IL34: variants seen among roughly 807,000 people sequenced by gnomAD.
IL34 encodes the protein interleukin-34.
Under a neutral mutation model 25.3 loss-of-function variants are expected in IL34, and 17 were observed. That is an observed-to-expected ratio of 0.67 (90% CI 0.46 to 1.01). The LOEUF (loss-of-function observed/expected upper bound fraction) is 1.01, where lower values mean the gene tolerates loss of function less well. Ranked by LOEUF, IL34 falls within the 50% of genes least tolerant of loss-of-function variation. The probability of loss-of-function intolerance (pLI) is 0.00; values close to 1 mark genes in which losing one functional copy is unlikely to be tolerated. For missense variants in IL34, 368 were observed against 312.9 expected, an observed-to-expected ratio of 1.18 and a Z score of -1.33; for synonymous variants, 174 against 140.9, an observed-to-expected ratio of 1.23 and a Z score of -1.66.
At chr16:70,621,811 G>T (rs1025765351) in intron 1 of IL34, among the ~76,000 whole-genome samples, 3 of 152,128 alleles carry the variant, frequency 2.0e-5, no homozygotes, top group Admixed American at 2.0e-4. Flanking sequence ...CAGGAGTGGG[G>T]GTCGCAAGGT....
chr16:70,660,086 A>T lies in IL34; in HGVS notation c.628A>T (p.Thr210Ser). Residue 210 changes from threonine to serine, a missense_variant, in exon 6 of 6, where the codon ACC (threonine) becomes TCC (serine). Thr to Ser is a moderately conservative substitution (Grantham distance 58, BLOSUM62 1). Transcript: ENST00000288098. ...AGAGCCCTCATTGCAGTATGCGGCC[A>T]CCCAGCTGTACCCTCCGCCCCCGTG... ...SPEPSLQYAA[T>S]QLYPPPPWSP... The T allele has an allele frequency of 6.2e-7, 1 of 1,612,774 alleles. No individual in the cohort carries two copies. Among genetic ancestry groups the T allele is most frequent in the Non-Finnish European group, 8.5e-7 (1 of 1,179,714 alleles).
intron 1 of IL34, among the ~76,000 whole-genome samples, chr16:70,593,566 G>A (rs1315590968): frequency 1.3e-5 from 2 of 152,160 alleles, no homozygotes; most frequent in Non-Finnish European, 1.5e-5. Flanking sequence ...TGTCAAGGCT[G>A]GAGTGCAGTG....
intron 1 of IL34, among the ~76,000 whole-genome samples, chr16:70,583,086 ATT>A (rs1026830936): frequency 2.6e-5 from 4 of 152,062 alleles, no homozygotes; most frequent in African/African-American, 9.7e-5. Context: ...TTTGGATTTG[ATT>A]TCAATGACAA....
chr16:70,622,998 A>T (rs2051313654), intron 1 of IL34, among the ~76,000 whole-genome samples: 1 of 152,054 alleles, frequency 6.6e-6, no homozygotes, highest in Non-Finnish European at 1.5e-5. Context: ...CATACCTAGG[A>T]AGAAAAGGAG....
At chr16:70,629,695 ATTT>A (rs573603186) in intron 1 of IL34, among the ~76,000 whole-genome samples, 3,358 of 151,138 alleles carry the variant, frequency 0.022, 62 homozygotes, top group Non-Finnish European at 0.036. Flanking sequence ...ACCTCACTAC[ATTT>A]TTTTCTTTTT....
At chr16:70,645,658 C>T (rs2051908928), upstream of IL34, among the ~76,000 whole-genome samples, 1 of 152,182 alleles carries the variant, frequency 6.6e-6, no homozygotes, top group African/African-American at 2.4e-5. Context: ...GCCGTATGAC[C>T]TTGGACAAGT....
chr16:70,627,985 C>G (rs1037801075), intron 1 of IL34, among the ~76,000 whole-genome samples: 4 of 152,150 alleles, frequency 2.6e-5, no homozygotes, highest in African/African-American at 9.7e-5. Context: ...GTGGGATATG[C>G]ACACGTTCAA....
At chr16:70,659,908 T>C (rs953947368) in intron 5 of IL34, 89 bp from the exon 6 acceptor site, 2 of 1,477,642 alleles carry the variant, frequency 1.4e-6, no homozygotes, top group Admixed American at 4.3e-5. Flanking sequence ...CTGGGTAGAG[T>C]GGGGGACAAG....
intron 1 of IL34, among the ~76,000 whole-genome samples, chr16:70,637,497 C>A (rs979431140): frequency 3.3e-5 from 5 of 150,866 alleles, no homozygotes; most frequent in Non-Finnish European, 7.4e-5. Flanking sequence ...AGGCATACAC[C>A]ATCAGGCCCG....
chr16:70,622,257 T>C (rs1311474655), intron 1 of IL34, among the ~76,000 whole-genome samples: 1 of 152,106 alleles, frequency 6.6e-6, no homozygotes, highest in Non-Finnish European at 1.5e-5. Flanking sequence ...AGTGTCTATT[T>C]AGACTAAAAG....
intron 1 of IL34, among the ~76,000 whole-genome samples, chr16:70,652,791 G>GT (rs2052113034): frequency 1.3e-5 from 2 of 152,304 alleles, no homozygotes; most frequent in East Asian, 3.9e-4. Flanking sequence ...AGGCTTAGTG[G>GT]TTTGAAGGGT....
intron 1 of IL34, among the ~76,000 whole-genome samples, chr16:70,585,719 A>G (rs927878918): frequency 1.3e-5 from 2 of 150,714 alleles, no homozygotes; most frequent in East Asian, 3.9e-4. Context: ...TTTTTTAGAG[A>G]CAGGGTCTCC....
chr16:70,626,221 A>C (rs2051390361), intron 1 of IL34, among the ~76,000 whole-genome samples: 1 of 152,072 alleles, frequency 6.6e-6, no homozygotes, highest in Non-Finnish European at 1.5e-5. Flanking sequence ...CTTTGATATA[A>C]ATTGCATTCA....
intron 1 of IL34, among the ~76,000 whole-genome samples, chr16:70,582,966 G>C (rs1257436378): frequency 6.6e-6 from 1 of 152,186 alleles, no homozygotes; most frequent in Non-Finnish European, 1.5e-5. Flanking sequence ...AGAAGGGAGA[G>C]ATGTTTGGGA....
chr16:70,647,456 A>C (rs12929463), intron 1 of IL34, among the ~76,000 whole-genome samples: 2 of 152,098 alleles, frequency 1.3e-5, no homozygotes, highest in African/African-American at 4.8e-5. Flanking sequence ...CAGAATTAAA[A>C]AGCAGAAAGA....
intron 1 of IL34, among the ~76,000 whole-genome samples, chr16:70,586,773 C>T (rs1208728635): frequency 2.0e-5 from 3 of 152,154 alleles, no homozygotes; most frequent in Non-Finnish European, 4.4e-5. Flanking sequence ...ACTGAGTCTC[C>T]CCCATTTTAC....
intron 1 of IL34, among the ~76,000 whole-genome samples, chr16:70,595,336 T>C (rs2050807025): frequency 6.8e-6 from 1 of 147,476 alleles, no homozygotes; most frequent in Admixed American, 6.8e-5. Context: ...TCCTTCTCCT[T>C]CTTTTTCTTC....
In IL34 at chr16:70,617,601, A is replaced by T. The variant is rs537883808; in HGVS notation, c.-400-28947A>T. Among the ~76,000 whole-genome samples, 12 of 152,346 alleles carry T rather than the reference A, an allele frequency of 7.9e-5. No individual in the cohort carries two copies. The East Asian group carries it at 1.7e-3, about 22-fold the overall frequency. On this transcript the variant is annotated intron_variant, in intron 1 of 6. Coordinates refer to the IL34 transcript ENST00000429149. ...GTACCCCCTGTAGCATTCCGAAGACAGGCCTGAATTCTGAGAAGGGAAAGT... is the reference window on the plus strand; with the variant it reads ...GTACCCCCTGTAGCATTCCGAAGACTGGCCTGAATTCTGAGAAGGGAAAGT...
intron 1 of IL34, among the ~76,000 whole-genome samples, chr16:70,628,033 A>G (rs2051434221): frequency 6.6e-6 from 1 of 152,252 alleles, no homozygotes; most frequent in Non-Finnish European, 1.5e-5. Flanking sequence ...CCAAGTAGAT[A>G]TGTGACAATT....
Sources: allele counts gnomAD v4.1 joint callset (sites outside exome capture counted in the v4.1 genomes callset), GRCh38; gene constraint gnomAD v4.1.1; transcripts MANE v1.5; gene names NCBI Gene and HGNC (gene_info 2026-07-23, HGNC 2026-07-21).